Variants in CACTIN observed in about 807,000 individuals in gnomAD.
The protein encoded by CACTIN is cactin, spliceosome C complex subunit.
A neutral mutation model predicts 84.9 loss-of-function variants in CACTIN; 20 were observed. The ratio of observed to expected loss-of-function variants is 0.24; its 90% confidence interval spans 0.17 to 0.34. The LOEUF (loss-of-function observed/expected upper bound fraction) is 0.34, where lower values mean the gene tolerates loss of function less well. CACTIN is among the 10% of genes least tolerant of loss of function. CACTIN has a pLI of 1.00. For missense variants in CACTIN, 897 were observed against 1,117.2 expected, an observed-to-expected ratio of 0.80 and a Z score of 2.81; for synonymous variants, 549 against 467.9, an observed-to-expected ratio of 1.17 and a Z score of -2.24.
In CACTIN at chr19:3,619,206, G is replaced by A. The variant is rs1420407924; in HGVS notation, c.921C>T (p.Pro307=). The A allele has an allele frequency of 6.2e-7, 1 of 1,613,616 alleles. No homozygotes were observed. The highest frequency in any genetic ancestry group is 8.5e-7 in the Non-Finnish European group (1 of 1,179,826). The change falls in exon 5 of 10, where the codon CCC becomes CCT. Residue 307 remains proline, a synonymous_variant. Coordinates refer to ENST00000429344, the MANE Select transcript of CACTIN (RefSeq NM_001080543.2). The part of the protein sequence containing the change: ...KIRIRDGRAK[P]IDLLAKYISA... ...TGATGTACTTGGCCAGCAGGTCGAT[G>A]GGCTTGGCCCGCCCGTCCCGGATGC...
Position 3,611,391 on chromosome 19 carries a change from C to T in CACTIN, c.*532G>A, listed in dbSNP as rs1411411912. ...TGTGCGGGCGAGGGTGGCCTGTGGG[C>T]AGGGCTGGAGCTGCCCCACAGCCGC... On this transcript the variant is annotated 3_prime_UTR_variant, in exon 10 of 10. Coordinates refer to ENST00000429344, the MANE Select transcript of CACTIN (RefSeq NM_001080543.2). 5 of 441,524 alleles carry T rather than the reference C, an allele frequency of 1.1e-5. No homozygotes were observed. The highest frequency in any genetic ancestry group is 6.4e-5 in the South Asian group (4 of 62,520). 27.4% of individuals were successfully genotyped at this position (441,524 alleles called of 1,614,324 possible).
At chr19:3,612,494 G>A in intron 9 of CACTIN, 81 bp from the exon 10 acceptor site, 3 of 1,465,570 alleles carry the variant, frequency 2.0e-6, no homozygotes, top group Non-Finnish European at 1.8e-6. Flanking sequence ...GGCAGGGGCG[G>A]CCGCTGGTGC....
chr19:3,622,030 T>A (rs113229261), intron 2 of CACTIN, among the ~76,000 whole-genome samples: 2,449 of 152,094 alleles, frequency 0.016, 70 homozygotes, highest in African/African-American at 0.057. Context: ...CACAGGCACA[T>A]CCCCGTCTGA....
intron 6 of CACTIN, among the ~76,000 whole-genome samples, chr19:3,616,866 G>A (rs531140920): frequency 4.0e-4 from 61 of 152,048 alleles, no homozygotes; most frequent in Non-Finnish European, 7.8e-4. Context: ...GCTCACTTCT[G>A]TAATCCCAGC....
At position 3,611,627 on chromosome 19, in the gene CACTIN, G is replaced by T; in HGVS notation, c.*296C>A. On this transcript the variant is annotated 3_prime_UTR_variant, in exon 10 of 10. Coordinates refer to ENST00000429344, the MANE Select transcript of CACTIN (RefSeq NM_001080543.2). ...AGTGTCCGCCTGGACGGTGAGGTCA[G>T]CTGGCGGCTGCTGGCCACCCTCGTG... The T allele has an allele frequency of 2.3e-6, 1 of 443,470 alleles. No individual in the cohort carries two copies. Among genetic ancestry groups the T allele is most frequent in the Non-Finnish European group, 4.2e-6 (1 of 236,768 alleles). The allele number at this position is 443,470 out of a possible 1,614,324, so 27.5% of individuals were successfully genotyped here.
At chr19:3,612,785 G>A in intron 9 of CACTIN, 1 of 702,308 alleles carries the variant, frequency 1.4e-6, no homozygotes, top group Non-Finnish European at 2.6e-6. Context: ...TCTGTCTTAG[G>A]ACGGAGGCTG....
intron 2 of CACTIN, among the ~76,000 whole-genome samples, chr19:3,622,945 A>G (rs573041841): frequency 6.6e-6 from 1 of 152,300 alleles, no homozygotes; most frequent in South Asian, 2.1e-4. Flanking sequence ...TGGCAAGAAA[A>G]TGACGGTGGG....
At chr19:3,620,401 C>T in intron 3 of CACTIN, 129 bp from the exon 4 acceptor site, 1 of 1,097,542 alleles carries the variant, frequency 9.1e-7, no homozygotes. Context: ...CCGGAGATGC[C>T]TGGGCTGGTG....
At position 3,613,413 on chromosome 19, in the gene CACTIN, C is replaced by A. The variant is rs942059577; in HGVS notation, c.1479-48G>T. On this transcript the variant is annotated intron_variant, in intron 8 of 9. Coordinates refer to ENST00000429344, the MANE Select transcript of CACTIN (RefSeq NM_001080543.2). ...GCGCGGAGGCTGCCCACGGCCCCTC[C>A]ATCCTGCTCCGCGTCTGCATCGGCG... The A allele has an allele frequency of 2.6e-6, 4 of 1,542,208 alleles. No homozygotes were observed. The African/African-American group carries it at 5.5e-5, about 21-fold the overall frequency.
At position 3,615,177 on chromosome 19, in the gene CACTIN, G is replaced by A. The variant is rs1014491061; in HGVS notation, c.1163-588C>T. 11 of 159,212 alleles carry A rather than the reference G, an allele frequency of 6.9e-5. No individual in the cohort carries two copies. Among genetic ancestry groups the A allele is most frequent in the Admixed American group, 6.5e-4 (11 of 16,864 alleles). 9.9% of individuals were successfully genotyped at this position (159,212 alleles called of 1,614,324 possible). ...GCCCCAGGACAAACAGCTCCCCACC[G>A]CCGCCCCCCATCCTACATGGAGTCT... On this transcript the variant is annotated intron_variant, in intron 6 of 9. Coordinates refer to ENST00000429344, the MANE Select transcript of CACTIN (RefSeq NM_001080543.2). The surrounding 1 kb of genome is among the most constrained non-coding windows in gnomAD (Gnocchi z 5.2).
chr19:3,614,963 G>C, intron 6 of CACTIN: 1 of 356,380 alleles, frequency 2.8e-6, no homozygotes. Flanking sequence ...CTCTGCCCTG[G>C]CCTTGGGCAG....
At chr19:3,623,589 T>A in intron 2 of CACTIN, 99 bp downstream of exon 2, 1 of 1,105,476 alleles carries the variant, frequency 9.0e-7, no homozygotes, top group Non-Finnish European at 1.3e-6. Context: ...AACCAACTCT[T>A]GCACGATCAA....
chr19:3,626,572 G>C (rs2033339693), intron 1 of CACTIN, 24 bp downstream of exon 1: 7 of 1,409,538 alleles, frequency 5.0e-6, no homozygotes, highest in Non-Finnish European at 6.5e-6. Context: ...CGGATCCCCA[G>C]CGCTGCTCCC....
chr19:3,620,625 C>A, intron 3 of CACTIN, 82 bp downstream of exon 3: 1 of 1,105,850 alleles, frequency 9.0e-7, no homozygotes, highest in Non-Finnish European at 1.3e-6. Flanking sequence ...CCCACTTAAG[C>A]CCCTCAAGTC....
At chr19:3,622,632 G>T (rs1007614305) in intron 2 of CACTIN, among the ~76,000 whole-genome samples, 1 of 152,216 alleles carries the variant, frequency 6.6e-6, no homozygotes, top group African/African-American at 2.4e-5. Flanking sequence ...AGGCAGGAGG[G>T]GCCTCCCCTC....
In CACTIN at chr19:3,620,991, A is replaced by G. The variant is rs1388218968; in HGVS notation, c.643-189T>C. ...TGCATCCAATTCAGTGCAGACATGG[A>G]GCCCCCACTGGGAGTGAGATGTATG... is the stretch of plus-strand genomic sequence containing the variant. On this transcript the variant is annotated intron_variant, in intron 2 of 9. Coordinates refer to ENST00000429344, the MANE Select transcript of CACTIN (RefSeq NM_001080543.2). 7 of 694,932 alleles carry G rather than the reference A, an allele frequency of 1.0e-5. No individual in the cohort carries two copies. In the East Asian group the frequency reaches 1.3e-4, roughly 13 times the overall value. The allele number at this position is 694,932 out of a possible 1,614,324, so 43.0% of individuals were successfully genotyped here. A position where few individuals can be genotyped will look rare whatever the true frequency, so the allele number is the denominator to read the frequency against.
chr19:3,612,322 T>C lies in CACTIN; in HGVS notation c.1878A>G (p.Pro626=), dbSNP rs575652016. Residue 626 remains proline (P), a synonymous_variant, in exon 10 of 10, where the codon CCA becomes CCG. Transcript: ENST00000429344. ...CCCACAGGTAGGCCTTGCCGGTGAG[T>C]GGCATCTCCACGCTGAACTGCGCCT... ...QDEAQFSVEM[P]LTGKAYLWAD... The C allele has an allele frequency of 1.4e-5, 23 of 1,612,574 alleles. No individual in the cohort carries two copies. The highest frequency in any genetic ancestry group is 3.3e-4 in the Middle Eastern group (2 of 6,060).
At chr19:3,626,505 G>A (rs1056289662) in intron 1 of CACTIN, 91 bp downstream of exon 1, 5 of 1,226,092 alleles carry the variant, frequency 4.1e-6, no homozygotes, top group South Asian at 2.5e-5. Context: ...GTAAGTCGGG[G>A]GTTTCCCGGT....
chr19:3,618,424 A>AGG (rs142250312), intron 6 of CACTIN, among the ~76,000 whole-genome samples: 1 of 150,020 alleles, frequency 6.7e-6, no homozygotes, highest in African/African-American at 2.5e-5. Flanking sequence ...AACCACACGG[A>AGG]GGGGGGGGAA....
Sources: gnomAD v4.1 joint callset for allele counts (sites outside exome capture counted in the v4.1 genomes callset) on GRCh38, gnomAD v4.1.1 for gene constraint, Gnocchi (gnomAD v3.1) non-coding constraint, MANE v1.5 for transcripts, NCBI Gene and HGNC (gene_info 2026-07-23, HGNC 2026-07-21) for gene names.